The following LRP4 variants were observed in gnomAD, a reference collection of about 807,000 sequenced individuals.
LRP4 encodes the protein LDL receptor related protein 4.
Under a neutral mutation model 220.3 loss-of-function variants are expected in LRP4, and 95 were observed. The ratio of observed to expected loss-of-function variants is 0.43; its 90% confidence interval spans 0.37 to 0.51. LRP4 has a LOEUF of 0.51. Ranked by LOEUF, LRP4 falls within the 20% of genes least tolerant of loss-of-function variation. The pLI is 0.00. For missense variants in LRP4, 1,925 were observed against 2,567.0 expected (o/e 0.75, Z 5.40); for synonymous variants, 903 against 954.6 (o/e 0.95, Z 1.00).
chr11:46,904,489 A>G (rs1383238348), intron 1 of LRP4, among the ~76,000 whole-genome samples: 1 of 142,188 alleles, frequency 7.0e-6, no homozygotes, highest in Non-Finnish European at 1.5e-5. Context: ...GCATGGATGG[A>G]TGGATGGATG....
At chr11:46,913,919 A>T (rs900948793) in intron 1 of LRP4, among the ~76,000 whole-genome samples, 2 of 152,148 alleles carry the variant, frequency 1.3e-5, no homozygotes, top group African/African-American at 4.8e-5. Flanking sequence ...GAAGGGGCAG[A>T]TCTTTAAAAG....
At position 46,859,010 on chromosome 11, in the gene LRP4, G is replaced by C. The variant is rs749920501; in HGVS notation, c.5691C>G (p.Arg1897=). 5 of 1,614,114 alleles carry C rather than the reference G, an allele frequency of 3.1e-6. No individual in the cohort carries two copies. Among genetic ancestry groups the C allele is most frequent in the Admixed American group, 1.7e-5 (1 of 60,014 alleles). The change falls in exon 38 of 38, where the codon CGC becomes CGG. Residue 1897 remains arginine (R), a synonymous_variant. Transcript: ENST00000378623. ...SLPDTGWKHE[R]KLSSESQV ...AGACCTGGCTCTCTGAGGAGAGCTT[G>C]CGTTCATGTTTCCAGCCCGTGTCTG...
rs774475696 is a variant in LRP4, at chr11:46,894,658, G to A, written c.1471C>T (p.Arg491Trp). 1.9e-5 allele frequency: 31 copies of A among 1,614,080 alleles called. No homozygotes were observed. Among genetic ancestry groups the A allele is most frequent in the Admixed American group, 5.0e-5 (3 of 60,002 alleles). The change falls in exon 12 of 38, where the codon CGG becomes TGG. Residue 491 changes from arginine to tryptophan, a missense_variant. Transcript: ENST00000378623. ...CCGTTGAGGTTGGCACGGAGGATCCGGTCCAGGGTGACATCTGACCAGAAG... is the reference window on the plus strand; with the variant it reads ...CCGTTGAGGTTGGCACGGAGGATCCAGTCCAGGGTGACATCTGACCAGAAG... ...LVFWSDVTLDRILRANLNGSN... is the reference protein window; with the variant it reads ...LVFWSDVTLDWILRANLNGSN...
chr11:46,863,119 A>G (rs1408477404), intron 36 of LRP4, among the ~76,000 whole-genome samples: 3 of 152,116 alleles, frequency 2.0e-5, no homozygotes, highest in Admixed American at 2.0e-4. Flanking sequence ...CCAACAGCCT[A>G]TGAGGAGCTG....
intron 1 of LRP4, among the ~76,000 whole-genome samples, chr11:46,907,642 T>C (rs1941783817): frequency 6.6e-6 from 1 of 152,210 alleles, no homozygotes; most frequent in Non-Finnish European, 1.5e-5. Flanking sequence ...AAGCCAAAAG[T>C]CTGGACAGCC....
chr11:46,911,034 C>T (rs1362115407), intron 1 of LRP4, among the ~76,000 whole-genome samples: 1 of 152,068 alleles, frequency 6.6e-6, no homozygotes, highest in African/African-American at 2.4e-5. Context: ...GAGAGAGAAT[C>T]CAGAAACTAA....
chr11:46,871,591 A>G lies in LRP4; in HGVS notation c.4626T>C (p.Ala1542=). The change falls in exon 31 of 38, where the codon GCT becomes GCC. Residue 1542 remains alanine (A), a synonymous_variant. Transcript: ENST00000378623. ...VDAHLDRIES[A]DLNGKLRQVL... is the part of the protein sequence containing the mutation. ...CCTGCCGCAGTTTCCCATTGAGGTC[A>G]GCACTCTCGATCCGGTCCAGATGCG... is the stretch of plus-strand genomic sequence containing the variant. 1 of 1,613,198 alleles carries G rather than the reference A, an allele frequency of 6.2e-7. No homozygotes were observed. The highest frequency in any genetic ancestry group is 1.1e-5 in the South Asian group (1 of 90,730).
At position 46,889,546 on chromosome 11, in the gene LRP4, C is replaced by T. The variant is rs1941375153; in HGVS notation, c.2093-13G>A. 1 of 1,611,370 alleles carries T rather than the reference C, an allele frequency of 6.2e-7. No homozygotes were observed. Among genetic ancestry groups the T allele is most frequent in the Non-Finnish European group, 8.5e-7 (1 of 1,179,998 alleles). ...CAGCGGTTTTTCCCTGCTCAAAGAG[C>T]CCAGGGCAAGAGGATCAGCGAAGGT... On this transcript the variant is annotated splice_polypyrimidine_tract_variant and intron_variant, in intron 15 of 37. Transcript: ENST00000378623.
chr11:46,896,304 C>A lies in LRP4; in HGVS notation c.954G>T (p.Leu318=). 2 of 1,614,152 alleles carry A rather than the reference C, an allele frequency of 1.2e-6. No homozygotes were observed. The highest frequency in any genetic ancestry group is 1.7e-6 in the Non-Finnish European group (2 of 1,180,050). The change falls in exon 9 of 38, where the codon CTG becomes CTT. Residue 318 remains leucine, a synonymous_variant. Coordinates refer to ENST00000378623, the MANE Select transcript of LRP4 (RefSeq NM_002334.4). ...GSPQCALDQF[L]CWNGRCIGQR... is the part of the protein sequence containing the mutation. ...GCCCAATGCAGCGCCCATTCCAACACAGGAACTGGTCCAAGGCACATTGGG... is the reference window on the plus strand; with the variant it reads ...GCCCAATGCAGCGCCCATTCCAACAAAGGAACTGGTCCAAGGCACATTGGG...
chr11:46,895,760 AG>A (rs1482779863), intron 10 of LRP4, 123 bp downstream of exon 10: 1 of 1,351,876 alleles, frequency 7.4e-7, no homozygotes, highest in Non-Finnish European at 1.0e-6. Context: ...CCCACCTCCT[AG>A]GGTTATTGTG....
chr11:46,858,495 CCTT>C lies in LRP4; in HGVS notation c.*485_*487del, dbSNP rs894168837. 1.8e-4 allele frequency: 38 copies of C among 216,512 alleles called. No homozygotes were observed. Among genetic ancestry groups the C allele is most frequent in the African/African-American group, 8.3e-4 (37 of 44,634 alleles). The allele number at this position is 216,512 out of a possible 1,614,324, so 13.4% of individuals were successfully genotyped here. A position where few individuals can be genotyped will look rare whatever the true frequency, so the allele number is the denominator to read the frequency against. On this transcript the variant is annotated 3_prime_UTR_variant, in exon 38 of 38. Coordinates refer to ENST00000378623, the MANE Select transcript of LRP4 (RefSeq NM_002334.4). ...GCCCATACCTGCTGGGCTGATTCTT[CCTT>C]CTTCTCTCAGCCTCTATCCTTCATC... is the stretch of plus-strand genomic sequence containing the variant.
In LRP4 at chr11:46,890,219, G is replaced by C; in HGVS notation, c.1915+58C>G. 3 of 1,606,616 alleles carry C rather than the reference G, an allele frequency of 1.9e-6. No individual in the cohort carries two copies. Among genetic ancestry groups the C allele is most frequent in the Non-Finnish European group, 2.6e-6 (3 of 1,173,444 alleles). ...ACAAAACCTCTACCAAGGCTCCTGG[G>C]GGGCAGGGACGGGGGCAGGAGGACA... On this transcript the variant is annotated intron_variant, in intron 14 of 37. Coordinates refer to ENST00000378623, the MANE Select transcript of LRP4 (RefSeq NM_002334.4). This position sits in a 1 kb window ranked among gnomAD's most constrained non-coding sequence, Gnocchi z 5.3.
In LRP4 at chr11:46,873,709, A is replaced by G. The variant is rs924482407; in HGVS notation, c.4230-116T>C. 1.3e-6 allele frequency: 1 copy of G among 750,518 alleles called. No homozygotes were observed. Among genetic ancestry groups the G allele is most frequent in the Non-Finnish European group, 2.2e-6 (1 of 454,286 alleles). 46.5% of individuals were successfully genotyped at this position (750,518 alleles called of 1,614,324 possible). The stretch of plus-strand genomic sequence containing the variant: ...AACTGTAAGCTCCACAGGGATAGAG[A>G]CCAGGTATCTATGAGTACATTCCTC... On this transcript the variant is annotated intron_variant, in intron 28 of 37. Coordinates refer to ENST00000378623, the MANE Select transcript of LRP4 (RefSeq NM_002334.4). This position sits in a 1 kb window ranked among gnomAD's most constrained non-coding sequence, Gnocchi z 4.2.
intron 1 of LRP4, among the ~76,000 whole-genome samples, chr11:46,904,585 T>C (rs1403357559): frequency 1.3e-5 from 2 of 152,150 alleles, no homozygotes; most frequent in African/African-American, 4.8e-5. Flanking sequence ...TGTACGTTTC[T>C]GGGGTAAGGG....
In LRP4 at chr11:46,871,646, T is replaced by A; in HGVS notation, c.4584-13A>T. ...CACCCAGTAGATCCTGCGAAGAAAA[T>A]GAAAAGAGTGGCTGCTCCAAACGCT... On this transcript the variant is annotated splice_polypyrimidine_tract_variant and intron_variant, in intron 30 of 37. Transcript: ENST00000378623. 5 of 1,566,044 alleles carry A rather than the reference T, an allele frequency of 3.2e-6. No homozygotes were observed. Among genetic ancestry groups the A allele is most frequent in the Non-Finnish European group, 3.5e-6 (4 of 1,142,358 alleles).
At chr11:46,885,933 C>T (rs912232427) in intron 18 of LRP4, among the ~76,000 whole-genome samples, 158 bp downstream of exon 18, 4 of 152,218 alleles carry the variant, frequency 2.6e-5, no homozygotes, top group Non-Finnish European at 4.4e-5. Flanking sequence ...CTTCTCACTT[C>T]GGCTCTGCAG....
intron 34 of LRP4, 136 bp downstream of exon 34, chr11:46,867,843 C>T: frequency 9.7e-7 from 1 of 1,025,728 alleles, no homozygotes; most frequent in East Asian, 2.6e-5. Context: ...ATATCACCTT[C>T]TGTCCCAAAT....
In LRP4 at chr11:46,873,871, T is replaced by G; in HGVS notation, c.4230-278A>C. 4.2e-6 allele frequency: 2 copies of G among 478,868 alleles called. No homozygotes were observed. The highest frequency in any genetic ancestry group is 3.7e-6 in the Non-Finnish European group (1 of 270,362). The allele number at this position is 478,868 out of a possible 1,614,324, so 29.7% of individuals were successfully genotyped here. A position where few individuals can be genotyped will look rare whatever the true frequency, so the allele number is the denominator to read the frequency against. On this transcript the variant is annotated intron_variant, in intron 28 of 37. Transcript: ENST00000378623. The surrounding 1 kb of genome is among the most constrained non-coding windows in gnomAD (Gnocchi z 4.2). ...GTCTTGCTAGAAGACAAGTTTATCA[T>G]TCCCCACATACCTTTGGGAAGAGAC...
In LRP4 at chr11:46,918,344, G is replaced by T; in HGVS notation, c.36C>A (p.Ala12=). The T allele has an allele frequency of 6.7e-7, 1 of 1,490,460 alleles. No homozygotes were observed. The highest frequency in any genetic ancestry group is 1.2e-5 in the South Asian group (1 of 80,030). The allele number at this position is 1,490,460 out of a possible 1,614,324, so 92.3% of individuals were successfully genotyped here. ...RRQWGALLLG[A]LLCAHGLASS... ...GCCGCTTACCGTGTGCGCAGAGCAG[G>T]GCGCCAAGCAGCAGCGCGCCCCACT... The change falls in exon 1 of 38, where the codon GCC becomes GCA. Residue 12 remains alanine, a synonymous_variant. Transcript: ENST00000378623. The surrounding 1 kb of genome is among the most constrained non-coding windows in gnomAD (Gnocchi z 6.0).
Sources: allele counts gnomAD v4.1 joint callset (sites outside exome capture counted in the v4.1 genomes callset), GRCh38; gene constraint gnomAD v4.1.1; non-coding constraint Gnocchi (gnomAD v3.1); transcripts MANE v1.5; gene names NCBI Gene and HGNC (gene_info 2026-07-23, HGNC 2026-07-21).